Variants in ANKRD17 observed in about 807,000 individuals in gnomAD.
ANKRD17 encodes the protein ankyrin repeat domain-containing protein 17.
A neutral mutation model predicts 229.7 loss-of-function variants in ANKRD17; 19 were observed. The observed-to-expected ratio is 0.08, with a 90% CI of 0.06 to 0.12. The LOEUF (loss-of-function observed/expected upper bound fraction) is 0.12. Among genes scored for constraint, ANKRD17 ranks in the 10% least tolerant of loss-of-function variants. The pLI is 1.00. For synonymous variants in ANKRD17, 1,112 were observed against 1,146.1 expected, an observed-to-expected ratio of 0.97 and a Z score of 0.60; for missense variants, 2,176 against 3,176.8, an observed-to-expected ratio of 0.68 and a Z score of 7.57.
At chr4:73,196,763 A>G (rs1737943986) in intron 1 of ANKRD17, among the ~76,000 whole-genome samples, 1 of 152,218 alleles carries the variant, frequency 6.6e-6, no homozygotes. Context: ...ATAAGTAAAT[A>G]GATAATAATG....
rs182777260 is a variant in ANKRD17, at chr4:73,121,113, G to A, written c.3636-19C>T. ...ACCAGTTCTAGGGGTGCAGGTATGG[G>A]GAAAACAAATGGAAAAATATATATT... On this transcript the variant is annotated intron_variant, in intron 19 of 33. Transcript: ENST00000358602. 4.7e-5 allele frequency: 75 copies of A among 1,590,004 alleles called. No individual in the cohort carries two copies. The East Asian group carries it at 1.6e-3, about 34-fold the overall frequency.
intron 16 of ANKRD17, among the ~76,000 whole-genome samples, chr4:73,134,752 A>T (rs1728671900): frequency 6.6e-6 from 1 of 152,236 alleles, no homozygotes; most frequent in Non-Finnish European, 1.5e-5. Flanking sequence ...ATTTTATGTT[A>T]GAACCTTTTT....
At chr4:73,112,774 T>C (rs1192992445) in intron 24 of ANKRD17, 3 of 772,786 alleles carry the variant, frequency 3.9e-6, no homozygotes, top group African/African-American at 3.8e-5. Flanking sequence ...TATAGCATTT[T>C]GACCTTTTTA....
chr4:73,143,434 T>C (rs1410736646), intron 11 of ANKRD17, among the ~76,000 whole-genome samples: 2 of 152,164 alleles, frequency 1.3e-5, no homozygotes, highest in Non-Finnish European at 2.9e-5. Context: ...CTGACCTCTA[T>C]CCCTAATTTG....
chr4:73,136,372 A>G (rs965097215), intron 15 of ANKRD17, among the ~76,000 whole-genome samples: 2 of 152,196 alleles, frequency 1.3e-5, no homozygotes, highest in African/African-American at 4.8e-5. Context: ...TGTCAAGAAT[A>G]AAACTGAAAT....
At chr4:73,247,538 G>C (rs1021456011) in intron 1 of ANKRD17, among the ~76,000 whole-genome samples, 5 of 151,686 alleles carry the variant, frequency 3.3e-5, no homozygotes, top group African/African-American at 1.2e-4. Flanking sequence ...GAATAATGTG[G>C]CAAATATTAA....
intron 2 of ANKRD17, among the ~76,000 whole-genome samples, chr4:73,164,112 G>A (rs539594592): frequency 2.4e-4 from 37 of 151,992 alleles, no homozygotes; most frequent in African/African-American, 7.5e-4. Flanking sequence ...ATCATCTTTC[G>A]GTTAAATATA....
intron 16 of ANKRD17, among the ~76,000 whole-genome samples, chr4:73,125,745 A>AAAAAAAG (rs556235831): frequency 2.8e-5 from 4 of 144,468 alleles, no homozygotes; most frequent in Non-Finnish European, 3.0e-5. Context: ...AAAAAAAAAA[A>AAAAAAAG]AAAAGAAAAG....
intron 1 of ANKRD17, among the ~76,000 whole-genome samples, chr4:73,250,539 G>A (rs1744897469): frequency 7.9e-6 from 1 of 126,732 alleles, no homozygotes; most frequent in Non-Finnish European, 1.6e-5. Flanking sequence ...GGTGGAGGTT[G>A]CAGTGAGCCG....
chr4:73,115,753 GA>G, intron 23 of ANKRD17, 67 bp downstream of exon 23: 19 of 1,245,354 alleles, frequency 1.5e-5, no homozygotes, highest in Non-Finnish European at 2.2e-5. Context: ...CTCAAACTAG[GA>G]ATTCTTAGAA....
At chr4:73,177,667 C>T in intron 1 of ANKRD17, 134 bp from the exon 2 acceptor site, 1 of 622,594 alleles carries the variant, frequency 1.6e-6, no homozygotes, top group Non-Finnish European at 2.6e-6. Context: ...CACAGTGCAA[C>T]CCTAAAAAGT....
chr4:73,144,341 A>T (rs1412694193), intron 11 of ANKRD17, among the ~76,000 whole-genome samples: 2 of 152,214 alleles, frequency 1.3e-5, no homozygotes, highest in African/African-American at 4.8e-5. Context: ...CCTGTATTTT[A>T]TAAAAAAGGA....
intron 1 of ANKRD17, among the ~76,000 whole-genome samples, chr4:73,188,823 G>A (rs963896434): frequency 3.3e-5 from 5 of 152,236 alleles, no homozygotes; most frequent in African/African-American, 9.6e-5. Flanking sequence ...CCTTTGGCGA[G>A]AATGATTATG....
chr4:73,160,851 CCAATA>C (rs1732433806), intron 3 of ANKRD17, among the ~76,000 whole-genome samples: 1 of 152,106 alleles, frequency 6.6e-6, no homozygotes, highest in African/African-American at 2.4e-5. Flanking sequence ...TTCTTTGTCA[CCAATA>C]CATTTTTAAA....
intron 1 of ANKRD17, among the ~76,000 whole-genome samples, chr4:73,252,032 A>G (rs1271067326): frequency 6.6e-6 from 1 of 152,238 alleles, no homozygotes; most frequent in African/African-American, 2.4e-5. Context: ...AATAGCTGCA[A>G]CCAAGTTCTG....
chr4:73,172,664 G>C (rs1288450488), intron 2 of ANKRD17, among the ~76,000 whole-genome samples: 1 of 152,126 alleles, frequency 6.6e-6, no homozygotes, highest in African/African-American at 2.4e-5. Flanking sequence ...AAAAGTAGCA[G>C]ACAAACTTAA....
At chr4:73,257,267 CAGTT>C (rs1195888875) in intron 1 of ANKRD17, among the ~76,000 whole-genome samples, 2 of 152,192 alleles carry the variant, frequency 1.3e-5, no homozygotes, top group Non-Finnish European at 2.9e-5. Context: ...AGCTAACTCT[CAGTT>C]GGTTGTCAGT....
At chr4:73,219,065 A>C (rs1340708379) in intron 1 of ANKRD17, among the ~76,000 whole-genome samples, 3 of 152,220 alleles carry the variant, frequency 2.0e-5, no homozygotes, top group African/African-American at 2.4e-5. Flanking sequence ...CGTCTCAAAC[A>C]AACAAACCAA....
rs1745196814 is a variant in ANKRD17 at position 73,253,395 on chromosome 4, A to G, written c.393+4881T>C. ...TAGGAACTCCAAACATTTATTGAAT[A>G]ATGAAAGAAATATAGCAGCACCTAC... On this transcript the variant is annotated intron_variant, in intron 1 of 33. Transcript: ENST00000358602. Among the ~76,000 whole-genome samples the G allele has an allele frequency of 2.6e-5, 4 of 152,268 alleles. No homozygotes were observed. The South Asian group carries it at 8.3e-4, about 31-fold the overall frequency.
Sources: gnomAD v4.1 joint callset for allele counts (sites outside exome capture counted in the v4.1 genomes callset) on GRCh38, gnomAD v4.1.1 for gene constraint, MANE v1.5 for transcripts, NCBI Gene and HGNC (gene_info 2026-07-23, HGNC 2026-07-21) for gene names.